TPP2: variants seen among roughly 807,000 people sequenced by gnomAD.
TPP2 encodes the protein tripeptidyl peptidase 2.
A neutral mutation model predicts 155.9 loss-of-function variants in TPP2; 34 were observed. The observed-to-expected ratio is 0.22, with a 90% confidence interval of 0.17 to 0.29. TPP2 has a LOEUF of 0.29. TPP2 is among the 10% of genes least tolerant of loss of function. The probability of loss-of-function intolerance (pLI) is 1.00; values close to 1 mark genes in which losing one functional copy is unlikely to be tolerated. For synonymous variants in TPP2, 510 were observed against 529.4 expected, an observed-to-expected ratio of 0.96 and a Z score of 0.50; for missense variants, 1,028 against 1,522.3, an observed-to-expected ratio of 0.68 and a Z score of 5.40.
chr13:102,606,666 C>T (rs935681421), intron 2 of TPP2, among the ~76,000 whole-genome samples: 1 of 152,130 alleles, frequency 6.6e-6, no homozygotes, highest in African/African-American at 2.4e-5. Flanking sequence ...TCCTTAATTG[C>T]GTCTGCAAAA....
intron 27 of TPP2, among the ~76,000 whole-genome samples, chr13:102,666,124 A>C (rs1884576769): frequency 6.6e-6 from 1 of 152,120 alleles, no homozygotes; most frequent in Non-Finnish European, 1.5e-5. Flanking sequence ...GTTTTATTTA[A>C]ATTTAGTCTT....
intron 25 of TPP2, among the ~76,000 whole-genome samples, chr13:102,661,445 G>A (rs1018125379): frequency 1.3e-5 from 2 of 151,720 alleles, no homozygotes; most frequent in African/African-American, 4.8e-5. Context: ...ATCTCACTAT[G>A]TTGCCCAGGC....
At position 102,630,125 on chromosome 13, in the gene TPP2, A is replaced by G; in HGVS notation, c.1174A>G (p.Met392Val). Reference sequence around the variant, plus strand: ...TGGTGCTTATGTTTCTCCTGATATGATGGTTGCTGAGTATTCACTGAGAGA... The same window carrying G: ...TGGTGCTTATGTTTCTCCTGATATGGTGGTTGCTGAGTATTCACTGAGAGA... ...GVGAYVSPDM[M>V]VAEYSLREKL... The change falls in exon 10 of 30, where the codon ATG (methionine) becomes GTG (valine). Residue 392 changes from methionine to valine, a missense_variant. Transcript: ENST00000376052. 1 of 1,613,490 alleles carries G rather than the reference A, an allele frequency of 6.2e-7. No homozygotes were observed.
chr13:102,668,867 C>T (rs1426964592), intron 27 of TPP2, among the ~76,000 whole-genome samples: 1 of 152,160 alleles, frequency 6.6e-6, no homozygotes, highest in Non-Finnish European at 1.5e-5. Flanking sequence ...TTCAACATCT[C>T]CCAGGTAATG....
At chr13:102,625,153 C>A (rs1278098178) in intron 6 of TPP2, among the ~76,000 whole-genome samples, 1 of 134,640 alleles carries the variant, frequency 7.4e-6, no homozygotes, top group African/African-American at 2.9e-5. Context: ...CCACCACGCC[C>A]GGCCACTTAA....
rs80115803 is a variant in TPP2 at position 102,678,170 on chromosome 13, T to C, written c.3700-57T>C. The C allele has an allele frequency of 3.1e-3, 4,715 of 1,501,606 alleles. 39 individuals carry two copies. Among genetic ancestry groups the C allele is most frequent in the Non-Finnish European group, 2.1e-3 (2,292 of 1,098,544 alleles). 93.0% of individuals were successfully genotyped at this position (1,501,606 alleles called of 1,614,324 possible). ...TTAATACAGAATTTATTCTAAATAC[T>C]GAGCTTAAAAATCTGTCACTTCCTT... On this transcript the variant is annotated intron_variant, in intron 29 of 29. Transcript: ENST00000376052.
Position 102,644,552 on chromosome 13 carries a change from T to G in TPP2, c.2176-5T>G. The G allele has an allele frequency of 8.8e-6, 14 of 1,595,286 alleles. No homozygotes were observed. The highest frequency in any genetic ancestry group is 1.2e-5 in the Non-Finnish European group (14 of 1,170,850). On this transcript the variant is annotated splice_region_variant and splice_polypyrimidine_tract_variant and intron_variant, in intron 17 of 29. Coordinates refer to ENST00000376052, the MANE Select transcript of TPP2 (RefSeq NM_001330588.2). ...GAGATATATTTTATTTACTTTTATTTGCAGGGTGGAAAAGCAATTGAATTT... is the reference window on the plus strand; with the variant it reads ...GAGATATATTTTATTTACTTTTATTGGCAGGGTGGAAAAGCAATTGAATTT...
chr13:102,633,050 T>G (rs545198607), intron 10 of TPP2, among the ~76,000 whole-genome samples: 61 of 152,242 alleles, frequency 4.0e-4, no homozygotes, highest in African/African-American at 1.5e-3. Context: ...AGAGTAAAAA[T>G]AGTTCACTCA....
chr13:102,635,558 C>A, intron 11 of TPP2, 29 bp from the exon 12 acceptor site: 1 of 1,554,838 alleles, frequency 6.4e-7, no homozygotes. Flanking sequence ...GTGAGTGCTA[C>A]ACTACTTGTT....
chr13:102,675,418 A>G lies in TPP2; in HGVS notation c.3580-878A>G, dbSNP rs180807972. Among the ~76,000 whole-genome samples, 6 of 152,216 alleles carry G rather than the reference A, an allele frequency of 3.9e-5. No individual in the cohort carries two copies. The South Asian group carries it at 1.0e-3, about 26-fold the overall frequency. On this transcript the variant is annotated intron_variant, in intron 28 of 29. Coordinates refer to ENST00000376052, the MANE Select transcript of TPP2 (RefSeq NM_001330588.2). Reference sequence around the variant, plus strand: ...TATGTATGACCTTAGGCAACTTACAAAATTTTGATACCTTAGTTTCTTATC... The same window carrying G: ...TATGTATGACCTTAGGCAACTTACAGAATTTTGATACCTTAGTTTCTTATC...
intron 12 of TPP2, among the ~76,000 whole-genome samples, chr13:102,635,945 C>A (rs1447465710): frequency 6.6e-6 from 1 of 152,028 alleles, no homozygotes. Context: ...TCAAAGAAAT[C>A]GAGGTCAAAA....
chr13:102,677,047 A>G (rs1347818030), intron 29 of TPP2, among the ~76,000 whole-genome samples: 2 of 152,176 alleles, frequency 1.3e-5, no homozygotes, highest in Non-Finnish European at 1.5e-5. Context: ...ATTATACTTT[A>G]TATGTAAGGT....
In TPP2 at chr13:102,596,990, C is replaced by G. The variant is rs745878760; in HGVS notation, c.-49C>G. On this transcript the variant is annotated 5_prime_UTR_variant, in exon 1 of 30. Coordinates refer to ENST00000376052, the MANE Select transcript of TPP2 (RefSeq NM_001330588.2). ...CACGGGTGTCCTCGCGCTGCTAGTC[C>G]GCGCGCAGCCTGGCAGTTTGCCGCT... The G allele has an allele frequency of 4.4e-6, 7 of 1,595,862 alleles. No individual in the cohort carries two copies. The highest frequency in any genetic ancestry group is 6.0e-6 in the Non-Finnish European group (7 of 1,171,744).
intron 27 of TPP2, among the ~76,000 whole-genome samples, chr13:102,673,200 A>G (rs1439828822): frequency 2.6e-5 from 4 of 152,158 alleles, no homozygotes; most frequent in African/African-American, 9.7e-5. Flanking sequence ...GGTGCGCAGG[A>G]TTAATGTGGG....
intron 11 of TPP2, among the ~76,000 whole-genome samples, chr13:102,634,994 A>G (rs1049000251): frequency 2.6e-5 from 4 of 152,160 alleles, no homozygotes; most frequent in Non-Finnish European, 5.9e-5. Flanking sequence ...TATGTGTTTA[A>G]TGAGCTCTGG....
chr13:102,624,183 G>A (rs1881383559), intron 6 of TPP2, among the ~76,000 whole-genome samples: 1 of 152,142 alleles, frequency 6.6e-6, no homozygotes, highest in Non-Finnish European at 1.5e-5. Context: ...ATAGATATGT[G>A]TGTTTATATC....
chr13:102,618,704 A>G lies in TPP2; in HGVS notation c.496-18A>G. On this transcript the variant is annotated intron_variant, in intron 4 of 29. Transcript: ENST00000376052. ...AGGACAGAATGTACTAATGTTAATC[A>G]GTTTTCCAACTGACTAGGCAAATAA... is the stretch of plus-strand genomic sequence containing the variant. 1 of 1,612,354 alleles carries G rather than the reference A, an allele frequency of 6.2e-7. No homozygotes were observed. The highest frequency in any genetic ancestry group is 1.1e-5 in the South Asian group (1 of 90,838).
At chr13:102,662,081 C>T (rs1322709277) in intron 25 of TPP2, among the ~76,000 whole-genome samples, 1 of 152,094 alleles carries the variant, frequency 6.6e-6, no homozygotes, top group Non-Finnish European at 1.5e-5. Flanking sequence ...TCCTTTTCAG[C>T]CATGAATGGG....
rs200715494 is a variant in TPP2 at position 102,678,793 on chromosome 13, A to ATTTTTTTTTTTTTTTTTTTTTTT, written c.*479_*501dup. ...AAACTAACAGAACTTCATTTCCAGA[A>ATTTTTTTTTTTTTTTTTTTTTTT]TTTTTTTTTTTTTTTTTTTTTTTTG... On this transcript the variant is annotated 3_prime_UTR_variant, in exon 30 of 30. Coordinates refer to ENST00000376052, the MANE Select transcript of TPP2 (RefSeq NM_001330588.2). 1.6e-5 allele frequency: 2 copies of ATTTTTTTTTTTTTTTTTTTTTTT among 121,538 alleles called. No homozygotes were observed. The allele number at this position is 121,538 out of a possible 1,614,324, so 7.5% of individuals were successfully genotyped here.
Sources: gnomAD v4.1 joint callset for allele counts (sites outside exome capture counted in the v4.1 genomes callset) on GRCh38, gnomAD v4.1.1 for gene constraint, MANE v1.5 for transcripts, NCBI Gene and HGNC (gene_info 2026-07-23, HGNC 2026-07-21) for gene names.